ATP6V1A: variants seen among roughly 807,000 people sequenced by gnomAD.
ATP6V1A encodes ATPase H+ transporting V1 subunit A.
ATP6V1A carries 18 observed loss-of-function variants against 70.1 expected under a neutral mutation model. The ratio of observed to expected loss-of-function variants is 0.26; its 90% CI spans 0.18 to 0.38. The LOEUF (loss-of-function observed/expected upper bound fraction) is 0.38, where lower values mean the gene tolerates loss of function less well. Among genes scored for constraint, ATP6V1A ranks in the 10% least tolerant of loss-of-function variants. The pLI, the probability that ATP6V1A is intolerant of heterozygous loss-of-function variation, is 1.00. For synonymous variants in ATP6V1A, 232 were observed against 253.8 expected (o/e 0.91, Z 0.82); for missense variants, 424 against 772.4 (o/e 0.55, Z 5.35).
chr3:113,796,571 T>C (rs1709155057), intron 11 of ATP6V1A, among the ~76,000 whole-genome samples: 1 of 152,142 alleles, frequency 6.6e-6, no homozygotes, highest in Non-Finnish European at 1.5e-5. Context: ...AAGACATGAA[T>C]TTTAGTGGAT....
intron 8 of ATP6V1A, among the ~76,000 whole-genome samples, chr3:113,792,832 G>A: frequency 6.6e-6 from 1 of 152,198 alleles, no homozygotes; most frequent in African/African-American, 2.4e-5. Flanking sequence ...AAAGTTGAAA[G>A]AATGTTACAG....
intron 1 of ATP6V1A, among the ~76,000 whole-genome samples, chr3:113,766,963 A>T (rs1362575589): frequency 6.6e-6 from 1 of 151,900 alleles, no homozygotes; most frequent in Non-Finnish European, 1.5e-5. Flanking sequence ...TCTGTCCCCT[A>T]TTTCTTAATC....
chr3:113,759,616 A>G, intron 1 of ATP6V1A, among the ~76,000 whole-genome samples: 1 of 152,178 alleles, frequency 6.6e-6, no homozygotes, highest in South Asian at 2.1e-4. Flanking sequence ...CTTAATATTT[A>G]AGAATATTTA....
intron 1 of ATP6V1A, among the ~76,000 whole-genome samples, chr3:113,749,274 C>CAA (rs1708558795): frequency 6.8e-6 from 1 of 147,920 alleles, no homozygotes; most frequent in Non-Finnish European, 1.5e-5. Flanking sequence ...CACACACACA[C>CAA]ACACACACAC....
At chr3:113,800,119 C>G (rs1709194218) in intron 12 of ATP6V1A, among the ~76,000 whole-genome samples, 1 of 151,600 alleles carries the variant, frequency 6.6e-6, no homozygotes, top group Non-Finnish European at 1.5e-5. Context: ...GTAATGCCAG[C>G]TACTTGAGAG....
intron 1 of ATP6V1A, among the ~76,000 whole-genome samples, chr3:113,749,466 C>G (rs1008025425): frequency 1.3e-5 from 2 of 152,162 alleles, no homozygotes; most frequent in African/African-American, 4.8e-5. Flanking sequence ...TTCTGGTTTT[C>G]TTTTCCTGAG....
At chr3:113,755,958 A>G (rs896657947) in intron 1 of ATP6V1A, among the ~76,000 whole-genome samples, 6 of 152,230 alleles carry the variant, frequency 3.9e-5, no homozygotes, top group African/African-American at 1.2e-4. Flanking sequence ...TTAGTATTCA[A>G]TTGTATTAAT....
chr3:113,809,388 T>C lies in ATP6V1A; in HGVS notation c.1815T>C (p.Leu605=). Residue 605 remains leucine (L), a synonymous_variant, in exon 15 of 15, where the codon CTT becomes CTC. Coordinates refer to ENST00000273398, the MANE Select transcript of ATP6V1A (RefSeq NM_001690.4). The stretch of plus-strand genomic sequence containing the variant: ...TCAAAAGCGACTATGCACAACTTCT[T>C]GAAGACATGCAGAATGCATTCCGTA... ...AKIKSDYAQL[L]EDMQNAFRSL... The C allele has an allele frequency of 6.2e-7, 1 of 1,614,000 alleles. No individual in the cohort carries two copies. The highest frequency in any genetic ancestry group is 8.5e-7 in the Non-Finnish European group (1 of 1,179,902).
intron 6 of ATP6V1A, among the ~76,000 whole-genome samples, chr3:113,787,103 G>C (rs966602188): frequency 6.6e-6 from 1 of 152,110 alleles, no homozygotes; most frequent in African/African-American, 2.4e-5. Context: ...AGTTATTCTA[G>C]ACTGGGAACC....
At chr3:113,775,073 A>G (rs1455980924) in intron 1 of ATP6V1A, among the ~76,000 whole-genome samples, 1 of 152,176 alleles carries the variant, frequency 6.6e-6, no homozygotes, top group Non-Finnish European at 1.5e-5. Flanking sequence ...GTAATTGGAA[A>G]AAATAGGGCC....
intron 9 of ATP6V1A, 28 bp from the exon 10 acceptor site, chr3:113,795,062 T>C: frequency 1.2e-6 from 2 of 1,613,756 alleles, no homozygotes; most frequent in African/African-American, 2.7e-5. Flanking sequence ...TTAGAAACTC[T>C]GTTTTAAAAT....
chr3:113,790,451 G>A (rs569279441), intron 8 of ATP6V1A, among the ~76,000 whole-genome samples: 2 of 151,692 alleles, frequency 1.3e-5, no homozygotes, highest in African/African-American at 4.8e-5. Flanking sequence ...CATTGATCTA[G>A]TTTTAAATAT....
intron 1 of ATP6V1A, 184 bp downstream of exon 1, chr3:113,747,297 G>C (rs1012777564): frequency 2.0e-4 from 31 of 152,256 alleles, no homozygotes; most frequent in African/African-American, 6.3e-4. Flanking sequence ...GGTCGTTCCC[G>C]CTACTTGGGG....
intron 13 of ATP6V1A, among the ~76,000 whole-genome samples, chr3:113,804,402 T>C (rs1709252484): frequency 6.6e-6 from 1 of 152,224 alleles, no homozygotes; most frequent in Admixed American, 6.5e-5. Flanking sequence ...CCAAGGTCTC[T>C]GTTAGAGCAC....
chr3:113,773,757 A>G (rs1202093871), intron 1 of ATP6V1A, among the ~76,000 whole-genome samples: 2 of 152,184 alleles, frequency 1.3e-5, no homozygotes, highest in African/African-American at 2.4e-5. Flanking sequence ...CATCCCTCCA[A>G]GTCTCAGCTT....
At position 113,805,347 on chromosome 3, in the gene ATP6V1A, A is replaced by G; in HGVS notation, c.1590-7A>G. ...TTGTTAATTTTTTGGACCTTCATTTATTCTAGGTTCTGCCCATTCTACAAG... is the reference window on the plus strand; with the variant it reads ...TTGTTAATTTTTTGGACCTTCATTTGTTCTAGGTTCTGCCCATTCTACAAG... On this transcript the variant is annotated splice_region_variant and splice_polypyrimidine_tract_variant and intron_variant, in intron 13 of 14. Transcript: ENST00000273398. 6.2e-7 allele frequency: 1 copy of G among 1,612,978 alleles called. No individual in the cohort carries two copies. Among genetic ancestry groups the G allele is most frequent in the Non-Finnish European group, 8.5e-7 (1 of 1,179,592 alleles).
intron 8 of ATP6V1A, among the ~76,000 whole-genome samples, chr3:113,792,311 G>C (rs1379377256): frequency 6.6e-6 from 1 of 151,454 alleles, no homozygotes; most frequent in Non-Finnish European, 1.5e-5. Context: ...ACTATTCTTT[G>C]TATGTTTTGC....
At chr3:113,788,670 T>G in intron 6 of ATP6V1A, 43 bp from the exon 7 acceptor site, 1 of 1,588,444 alleles carries the variant, frequency 6.3e-7, no homozygotes, top group South Asian at 1.1e-5. Flanking sequence ...TATTAATATC[T>G]ATTAGCAAGT....
At chr3:113,805,925 A>G (rs1265956278) in intron 14 of ATP6V1A, among the ~76,000 whole-genome samples, 1 of 152,204 alleles carries the variant, frequency 6.6e-6, no homozygotes, top group Non-Finnish European at 1.5e-5. Flanking sequence ...CAGGTTTTGT[A>G]AAATCAGTAG....
Sources: allele counts gnomAD v4.1 joint callset (sites outside exome capture counted in the v4.1 genomes callset), GRCh38; gene constraint gnomAD v4.1.1; transcripts MANE v1.5; gene names NCBI Gene and HGNC (gene_info 2026-07-23, HGNC 2026-07-21).